Variants in DOCK2 observed in about 807,000 individuals in gnomAD.
DOCK2 encodes dedicator of cytokinesis 2.
Under a neutral mutation model 248.9 loss-of-function variants are expected in DOCK2, and 87 were observed. That is an observed-to-expected ratio of 0.35 (90% confidence interval 0.29 to 0.42). The LOEUF (loss-of-function observed/expected upper bound fraction) is 0.42. DOCK2 is among the 10% of genes least tolerant of loss of function. DOCK2 has a pLI of 1.00. For synonymous variants in DOCK2, 805 were observed against 821.6 expected (o/e 0.98, Z 0.35); for missense variants, 1,747 against 2,300.2 (o/e 0.76, Z 4.92).
At chr5:169,772,921 C>T (rs953541679) in intron 25 of DOCK2, 1 of 152,182 alleles carries the variant, frequency 6.6e-6, no homozygotes, top group Admixed American at 6.5e-5. Context: ...TTTAACAGTG[C>T]CTCATGTGCT....
intron 27 of DOCK2, among the ~76,000 whole-genome samples, chr5:169,923,963 T>C (rs33373): frequency 0.32 from 47,968 of 152,090 alleles, 8,400 homozygotes; most frequent in East Asian, 0.55. Flanking sequence ...AACATTGCGG[T>C]TGGCAAAATG....
intron 27 of DOCK2, among the ~76,000 whole-genome samples, chr5:169,879,902 A>G (rs1427550264): frequency 5.9e-5 from 9 of 152,170 alleles, no homozygotes; most frequent in Admixed American, 5.9e-4. Flanking sequence ...GGTAACAGAA[A>G]ATACATTATC....
Position 169,831,258 on chromosome 5 carries a change from CTT to C in DOCK2, c.2704-9493_2704-9492del, listed in dbSNP as rs572158405. On this transcript the variant is annotated intron_variant, in intron 26 of 51. Coordinates refer to ENST00000520908, the MANE Select transcript of DOCK2 (RefSeq NM_004946.3). ...TATTACATATGGTACTCTGTAGTCT[CTT>C]TTTTTCTGAACATATTTAGGATATT... is the stretch of plus-strand genomic sequence containing the variant. Among the ~76,000 whole-genome samples, 6 of 152,066 alleles carry C rather than the reference CTT, an allele frequency of 3.9e-5. No individual in the cohort carries two copies. The East Asian group carries it at 1.2e-3, about 29-fold the overall frequency.
chr5:169,699,389 G>A lies in DOCK2; in HGVS notation c.1063G>A (p.Ala355Thr). The change falls in exon 12 of 52, where the codon GCT (alanine) becomes ACT (threonine). Residue 355 changes from alanine to threonine, a missense_variant. Physicochemically the swap from Ala to Thr is moderately conservative, Grantham distance 58. This residue lies in a region of DOCK2 where 375 missense variants were observed against 510.9 expected (regional missense o/e 0.73). Transcript: ENST00000520908. ...CTCTCTTTTCCTTTCCAGGGTTACA[G>A]CTGAGAATGACTTCCTACACAGCCT... ...QHFIPFHPVT[A>T]ENDFLHSLLG... The A allele has an allele frequency of 6.2e-7, 1 of 1,613,276 alleles. No individual in the cohort carries two copies. Among genetic ancestry groups the A allele is most frequent in the Non-Finnish European group, 8.5e-7 (1 of 1,179,534 alleles).
chr5:169,847,418 G>T (rs888497970), intron 27 of DOCK2, among the ~76,000 whole-genome samples: 1 of 152,068 alleles, frequency 6.6e-6, no homozygotes, highest in Non-Finnish European at 1.5e-5. Context: ...TCTTATTGTG[G>T]TTTTAATTTG....
chr5:170,022,147 C>T (rs903011786), intron 33 of DOCK2, among the ~76,000 whole-genome samples: 1 of 152,142 alleles, frequency 6.6e-6, no homozygotes, highest in Admixed American at 6.5e-5. Flanking sequence ...ATGGGCTCTT[C>T]CTTTTATATC....
rs141023053 is a variant in DOCK2 at position 170,059,767 on chromosome 5, C to T, written c.4467+2101C>T. 2.8e-4 allele frequency among the ~76,000 whole-genome samples: 42 copies of T among 152,306 alleles called. 1 individual carries two copies. The highest frequency in any genetic ancestry group is 9.9e-4 in the African/African-American group (41 of 41,548). On this transcript the variant is annotated intron_variant, in intron 44 of 51. Coordinates refer to ENST00000520908, the MANE Select transcript of DOCK2 (RefSeq NM_004946.3). ...ATTAATCAGTCAATCAATATGCAGACACCCGTAATGTCTAAACCGGTTACC... is the reference window on the plus strand; with the variant it reads ...ATTAATCAGTCAATCAATATGCAGATACCCGTAATGTCTAAACCGGTTACC...
intron 26 of DOCK2, among the ~76,000 whole-genome samples, chr5:169,819,388 A>T (rs1768277314): frequency 6.6e-6 from 1 of 152,156 alleles, no homozygotes; most frequent in Non-Finnish European, 1.5e-5. Context: ...TGGGAAGCCA[A>T]AGCTAGGGGA....
chr5:169,730,761 C>T (rs572199057), intron 22 of DOCK2, among the ~76,000 whole-genome samples: 17 of 152,324 alleles, frequency 1.1e-4, no homozygotes, highest in African/African-American at 3.6e-4. Flanking sequence ...TTTTGTTCTA[C>T]AGTCACCACA....
chr5:169,921,095 G>C (rs1042599733), intron 27 of DOCK2, among the ~76,000 whole-genome samples: 1 of 152,094 alleles, frequency 6.6e-6, no homozygotes, highest in Non-Finnish European at 1.5e-5. Context: ...CCAGTGTTTT[G>C]CTTCCATAAG....
intron 37 of DOCK2, among the ~76,000 whole-genome samples, chr5:170,041,421 G>T (rs1756513953): frequency 6.6e-6 from 1 of 152,144 alleles, no homozygotes; most frequent in Non-Finnish European, 1.5e-5. Flanking sequence ...TAAATCATTG[G>T]CATGCCCACT....
At position 169,855,383 on chromosome 5, in the gene DOCK2, A is replaced by G. The variant is rs138200152; in HGVS notation, c.2799+14531A>G. ...ATTTGCAAAGTTACTGATATGTAGC[A>G]GCCTCTGACTTTTTGGAAAGTGGCA... On this transcript the variant is annotated intron_variant, in intron 27 of 51. Coordinates refer to ENST00000520908, the MANE Select transcript of DOCK2 (RefSeq NM_004946.3). Among the ~76,000 whole-genome samples the G allele has an allele frequency of 1.6e-3, 251 of 152,328 alleles. 1 individual carries two copies. Among genetic ancestry groups the G allele is most frequent in the Non-Finnish European group, 3.1e-3 (213 of 68,024 alleles).
chr5:169,939,053 A>G (rs1415689192), intron 27 of DOCK2, among the ~76,000 whole-genome samples: 2 of 151,352 alleles, frequency 1.3e-5, no homozygotes, highest in Non-Finnish European at 2.9e-5. Flanking sequence ...ACAGGCATGC[A>G]CCACCACGCC....
At position 169,924,933 on chromosome 5, in the gene DOCK2, G is replaced by A. The variant is rs368410987; in HGVS notation, c.2800-58135G>A. ...AATGAAAATGGGAGTGTGTGTCCAG[G>A]CACAATTGCTTCTCCCAGTCTTCCT... On this transcript the variant is annotated intron_variant, in intron 27 of 51. Coordinates refer to ENST00000520908, the MANE Select transcript of DOCK2 (RefSeq NM_004946.3). Among the ~76,000 whole-genome samples, 60 of 152,206 alleles carry A rather than the reference G, an allele frequency of 3.9e-4. No homozygotes were observed. In the East Asian group the frequency reaches 6.4e-3, roughly 16 times the overall value.
chr5:169,790,352 G>A (rs902541674), intron 25 of DOCK2, among the ~76,000 whole-genome samples: 5 of 152,178 alleles, frequency 3.3e-5, no homozygotes, highest in South Asian at 2.1e-4. Context: ...TTGTCAGTAC[G>A]TGGTATTATT....
chr5:169,964,539 G>A (rs1017702115), intron 27 of DOCK2, among the ~76,000 whole-genome samples: 1 of 152,224 alleles, frequency 6.6e-6, no homozygotes, highest in South Asian at 2.1e-4. Flanking sequence ...TAGAAACCCA[G>A]CATCTCCGCC....
chr5:169,810,780 A>T (rs913710385), intron 26 of DOCK2, among the ~76,000 whole-genome samples: 5 of 152,044 alleles, frequency 3.3e-5, no homozygotes, highest in African/African-American at 1.2e-4. Context: ...TCTTGGTTTG[A>T]TCTGGGCCTA....
chr5:170,042,164 C>A lies in DOCK2; in HGVS notation c.3876+32C>A, dbSNP rs138707642. 1.6e-4 allele frequency: 250 copies of A among 1,579,256 alleles called. 2 individuals carry two copies. In the African/African-American group the frequency reaches 2.2e-3, roughly 14 times the overall value. On this transcript the variant is annotated intron_variant, in intron 38 of 51. Transcript: ENST00000520908. ...TGTCCCTGCCCACCCCCCGTGGGGACCCTGGCCACTGGAAGGATGGTTCTC... is the reference window on the plus strand; with the variant it reads ...TGTCCCTGCCCACCCCCCGTGGGGAACCTGGCCACTGGAAGGATGGTTCTC...
chr5:169,918,498 A>G (rs1163235200), intron 27 of DOCK2, among the ~76,000 whole-genome samples: 1 of 152,244 alleles, frequency 6.6e-6, no homozygotes, highest in Non-Finnish European at 1.5e-5. Context: ...ATCATCTCAC[A>G]GTTAAAAGAC....
Sources: gnomAD v4.1 joint callset for allele counts (sites outside exome capture counted in the v4.1 genomes callset) on GRCh38, gnomAD v4.1.1 for gene constraint, gnomAD v4.1.1 regional missense constraint, MANE v1.5 for transcripts, NCBI Gene and HGNC (gene_info 2026-07-23, HGNC 2026-07-21) for gene names.